Variants in CBLB observed in about 807,000 individuals in gnomAD.
CBLB encodes the protein Cbl proto-oncogene B.
A neutral mutation model predicts 104.9 loss-of-function variants in CBLB; 31 were observed. The ratio of observed to expected loss-of-function variants is 0.30; its 90% CI spans 0.22 to 0.40. The LOEUF (loss-of-function observed/expected upper bound fraction) is 0.40. Among genes scored for constraint, CBLB ranks in the 10% least tolerant of loss-of-function variants. The pLI is 1.00. For missense variants in CBLB, 1,062 were observed against 1,214.6 expected (o/e 0.87, Z 1.87); for synonymous variants, 440 against 422.6 (o/e 1.04, Z -0.51).
intron 14 of CBLB, 96 bp downstream of exon 14, chr3:105,685,223 AT>A (rs1484647661): frequency 9.2e-7 from 1 of 1,083,740 alleles, no homozygotes; most frequent in African/African-American, 1.6e-5. Context: ...GAAATTAAGG[AT>A]TTTTAATTAG....
intron 6 of CBLB, among the ~76,000 whole-genome samples, chr3:105,743,875 T>C (rs1457913883): frequency 1.3e-5 from 2 of 152,136 alleles, no homozygotes; most frequent in Admixed American, 1.3e-4. Context: ...TTATATATTA[T>C]TTATTTCATC....
At chr3:105,733,187 C>A (rs1157244935) in intron 9 of CBLB, among the ~76,000 whole-genome samples, 1 of 151,994 alleles carries the variant, frequency 6.6e-6, no homozygotes, top group African/African-American at 2.4e-5. Flanking sequence ...GAAACCCCGT[C>A]TCTACTAAAA....
intron 18 of CBLB, among the ~76,000 whole-genome samples, chr3:105,664,736 T>C (rs1179933128): frequency 2.0e-5 from 3 of 152,174 alleles, no homozygotes; most frequent in African/African-American, 7.2e-5. Flanking sequence ...GTGAAAAATA[T>C]AGGAAGTACA....
intron 3 of CBLB, among the ~76,000 whole-genome samples, chr3:105,777,984 T>C (rs1291053419): frequency 6.6e-6 from 1 of 152,202 alleles, no homozygotes; most frequent in Non-Finnish European, 1.5e-5. Flanking sequence ...TCAAACAAAC[T>C]TTATTTCTTT....
intron 12 of CBLB, among the ~76,000 whole-genome samples, chr3:105,696,787 T>A (rs924921565): frequency 5.3e-5 from 8 of 152,044 alleles, no homozygotes; most frequent in Admixed American, 5.2e-4. Flanking sequence ...TCAAGACACT[T>A]CATAATTGGT....
intron 4 of CBLB, among the ~76,000 whole-genome samples, chr3:105,775,492 C>A (rs2079352815): frequency 6.6e-6 from 1 of 152,080 alleles, no homozygotes. Context: ...CAAATACAGA[C>A]CTTTGAGACA....
At chr3:105,867,678 T>G (rs1401267213) in intron 1 of CBLB, 87 bp from the exon 2 acceptor site, 3 of 1,135,820 alleles carry the variant, frequency 2.6e-6, no homozygotes, top group East Asian at 2.5e-5. Flanking sequence ...CTTGTACCAC[T>G]GCATCTTCCT....
chr3:105,683,079 T>C (rs547421361), intron 14 of CBLB, among the ~76,000 whole-genome samples: 7 of 152,362 alleles, frequency 4.6e-5, no homozygotes, highest in African/African-American at 1.7e-4. Context: ...CTGAAATTCA[T>C]TTCTATTCTC....
At chr3:105,718,932 G>A (rs558674229) in intron 10 of CBLB, among the ~76,000 whole-genome samples, 1 of 152,288 alleles carries the variant, frequency 6.6e-6, no homozygotes, top group East Asian at 1.9e-4. Context: ...TGTATTTCTG[G>A]TCTGTAAATT....
chr3:105,839,998 G>A (rs1347489293), intron 3 of CBLB, among the ~76,000 whole-genome samples: 1 of 152,118 alleles, frequency 6.6e-6, no homozygotes, highest in Non-Finnish European at 1.5e-5. Context: ...CAGCTGACCA[G>A]GATGGAAATC....
chr3:105,841,860 AAGAAC>A (rs1158071095), intron 3 of CBLB, among the ~76,000 whole-genome samples: 1 of 152,182 alleles, frequency 6.6e-6, no homozygotes, highest in Non-Finnish European at 1.5e-5. Context: ...GTTTTTAAGA[AAGAAC>A]AGAACATAAA....
At chr3:105,814,373 A>G (rs1179136603) in intron 3 of CBLB, among the ~76,000 whole-genome samples, 2 of 152,232 alleles carry the variant, frequency 1.3e-5, no homozygotes, top group Admixed American at 6.5e-5. Context: ...TGCAAATGGT[A>G]TATTTAACTC....
At chr3:105,750,440 G>A (rs971950949) in intron 5 of CBLB, among the ~76,000 whole-genome samples, 3 of 152,116 alleles carry the variant, frequency 2.0e-5, no homozygotes. Context: ...ATGTTTCAAA[G>A]AGAATCAATG....
At chr3:105,712,012 C>T (rs1050906382) in intron 10 of CBLB, among the ~76,000 whole-genome samples, 1 of 152,062 alleles carries the variant, frequency 6.6e-6, no homozygotes, top group Admixed American at 6.6e-5. Context: ...CGACAGGTCT[C>T]CTTTAAAGTA....
intron 3 of CBLB, among the ~76,000 whole-genome samples, chr3:105,786,061 C>G (rs199921792): frequency 1.4e-3 from 113 of 79,234 alleles, no homozygotes; most frequent in South Asian, 2.3e-3. Flanking sequence ...GTGAGAGGAT[C>G]GGGGGGGGGA....
rs1002768477 is a variant in CBLB at position 105,836,734 on chromosome 3, C to T, written c.419+16680G>A. ...ACAAAAACACACAAAACCACCCCCA[C>T]CCTTGGTCTAGTGAGTCAAAACAAA... On this transcript the variant is annotated intron_variant, in intron 3 of 18. Coordinates refer to ENST00000394030, the MANE Select transcript of CBLB (RefSeq NM_170662.5). Among the ~76,000 whole-genome samples, 5 of 152,088 alleles carry T rather than the reference C, an allele frequency of 3.3e-5. No individual in the cohort carries two copies. In the South Asian group the frequency reaches 1.0e-3, roughly 32 times the overall value.
intron 3 of CBLB, among the ~76,000 whole-genome samples, chr3:105,802,884 T>G (rs2083057206): frequency 6.6e-6 from 1 of 152,220 alleles, no homozygotes; most frequent in African/African-American, 2.4e-5. Context: ...TCTTAGAATT[T>G]ATACACATAT....
chr3:105,734,501 C>T (rs767818219), intron 8 of CBLB, among the ~76,000 whole-genome samples: 1 of 150,776 alleles, frequency 6.6e-6, no homozygotes, highest in African/African-American at 2.4e-5. Context: ...TTTATAAATG[C>T]CACATGCTCA....
At chr3:105,840,632 C>T (rs2089406138) in intron 3 of CBLB, among the ~76,000 whole-genome samples, 1 of 152,154 alleles carries the variant, frequency 6.6e-6, no homozygotes, top group African/African-American at 2.4e-5. Flanking sequence ...ATGAATATTA[C>T]ATGCACACCC....
Sources: allele counts gnomAD v4.1 joint callset (sites outside exome capture counted in the v4.1 genomes callset), GRCh38; gene constraint gnomAD v4.1.1; transcripts MANE v1.5; gene names NCBI Gene and HGNC (gene_info 2026-07-23, HGNC 2026-07-21).